Variants in HEATR5B observed in about 807,000 individuals in gnomAD.
HEATR5B encodes HEAT repeat-containing protein 5B.
Under a neutral mutation model 224.1 loss-of-function variants are expected in HEATR5B, and 156 were observed. The observed-to-expected ratio is 0.70, with a 90% CI of 0.61 to 0.80. HEATR5B has a LOEUF of 0.80. Ranked by LOEUF, HEATR5B falls within the 30% of genes least tolerant of loss-of-function variation. The probability of loss-of-function intolerance (pLI) is 0.00; values close to 1 mark genes in which losing one functional copy is unlikely to be tolerated. For synonymous variants in HEATR5B, 1,027 were observed against 893.0 expected, an observed-to-expected ratio of 1.15 and a Z score of -2.68; for missense variants, 2,323 against 2,535.5, an observed-to-expected ratio of 0.92 and a Z score of 1.80.
chr2:37,048,973 T>G lies in HEATR5B; in HGVS notation c.2696+680A>C, dbSNP rs775077998. Among the ~76,000 whole-genome samples, 4 of 152,218 alleles carry G rather than the reference T, an allele frequency of 2.6e-5. No individual in the cohort carries two copies. The East Asian group carries it at 7.7e-4, about 29-fold the overall frequency. Reference sequence around the variant, plus strand: ...TATATTTAATACTCTATATATATGATAGCTAAGAATGATATAATTTACATA... The same window carrying G: ...TATATTTAATACTCTATATATATGAGAGCTAAGAATGATATAATTTACATA... On this transcript the variant is annotated intron_variant, in intron 18 of 35. Coordinates refer to ENST00000233099, the MANE Select transcript of HEATR5B (RefSeq NM_019024.3).
chr2:37,006,967 C>T (rs1329475269), intron 29 of HEATR5B, 83 bp downstream of exon 29: 12 of 1,404,036 alleles, frequency 8.5e-6, no homozygotes, highest in Non-Finnish European at 8.9e-6. Flanking sequence ...CTATACTGTA[C>T]AAAATCTTTC....
At chr2:36,988,113 T>C (rs1360252668) in intron 35 of HEATR5B, among the ~76,000 whole-genome samples, 4 of 151,744 alleles carry the variant, frequency 2.6e-5, no homozygotes. Context: ...ATATTTTTCC[T>C]AGATCTTAAG....
chr2:37,046,229 G>C lies in HEATR5B; in HGVS notation c.2696+3424C>G, dbSNP rs77277764. ...AGAAAACAGAACAAAATACTACTAG[G>C]AACAATGCACCTAAATTAACAAAGC... On this transcript the variant is annotated intron_variant, in intron 18 of 35. Coordinates refer to ENST00000233099, the MANE Select transcript of HEATR5B (RefSeq NM_019024.3). Among the ~76,000 whole-genome samples, 372 of 152,190 alleles carry C rather than the reference G, an allele frequency of 2.4e-3. 5 individuals are homozygous for C. The highest frequency in any genetic ancestry group is 8.6e-3 in the African/African-American group (359 of 41,512).
At chr2:37,022,366 A>G (rs1668517103) in intron 24 of HEATR5B, among the ~76,000 whole-genome samples, 1 of 152,190 alleles carries the variant, frequency 6.6e-6, no homozygotes, top group South Asian at 2.1e-4. Flanking sequence ...TTTAATAGAG[A>G]TGGGGTTTCA....
At chr2:37,080,635 A>G (rs12470942) in intron 2 of HEATR5B, among the ~76,000 whole-genome samples, 4,012 of 152,292 alleles carry the variant, frequency 0.026, 66 homozygotes, top group Middle Eastern at 0.034. Context: ...GAAATCAAGA[A>G]TTTGGTTTGG....
chr2:37,032,895 T>TC, intron 21 of HEATR5B, 122 bp from the exon 22 acceptor site: 1 of 902,040 alleles, frequency 1.1e-6, no homozygotes, highest in East Asian at 2.9e-5. Context: ...TTTTTTTTTT[T>TC]TTGAGACAGA....
intron 7 of HEATR5B, among the ~76,000 whole-genome samples, chr2:37,069,379 G>A (rs1671773534): frequency 6.6e-6 from 1 of 152,044 alleles, no homozygotes; most frequent in African/African-American, 2.4e-5. Context: ...GACTAAAATC[G>A]TGATTTTGAC....
chr2:37,052,820 T>C (rs1030703489), intron 17 of HEATR5B, among the ~76,000 whole-genome samples: 1 of 152,216 alleles, frequency 6.6e-6, no homozygotes, highest in African/African-American at 2.4e-5. Context: ...ATGATTCTCA[T>C]CCTAGGCAGG....
chr2:37,077,695 C>CA (rs574967771), intron 3 of HEATR5B, among the ~76,000 whole-genome samples: 20 of 152,340 alleles, frequency 1.3e-4, no homozygotes, highest in African/African-American at 4.6e-4. Context: ...CACTTAATGT[C>CA]AATCACTGAT....
intron 30 of HEATR5B, 94 bp from the exon 31 acceptor site, chr2:37,003,780 A>G: frequency 2.5e-6 from 2 of 816,046 alleles, no homozygotes; most frequent in Non-Finnish European, 3.5e-6. Flanking sequence ...ATGTAAAAAA[A>G]GAAATCAGGT....
intron 17 of HEATR5B, among the ~76,000 whole-genome samples, chr2:37,051,744 T>A (rs970992908): frequency 4.6e-5 from 7 of 152,056 alleles, no homozygotes; most frequent in Non-Finnish European, 8.8e-5. Context: ...TCTTCTTTTT[T>A]TTTTCTTTTT....
At chr2:37,044,626 G>A (rs889477543) in intron 18 of HEATR5B, among the ~76,000 whole-genome samples, 38 of 152,176 alleles carry the variant, frequency 2.5e-4, no homozygotes, top group Non-Finnish European at 1.0e-4. Context: ...TAAATACCTA[G>A]AAGTGGAACT....
intron 29 of HEATR5B, 105 bp from the exon 30 acceptor site, chr2:37,005,864 T>C: frequency 1.2e-6 from 1 of 855,780 alleles, no homozygotes. Flanking sequence ...TACCTTAACA[T>C]GTATTTATTA....
intron 5 of HEATR5B, among the ~76,000 whole-genome samples, chr2:37,075,273 T>C (rs770190164): frequency 6.6e-5 from 10 of 152,102 alleles, no homozygotes; most frequent in Non-Finnish European, 1.3e-4. Flanking sequence ...CATAAATGAA[T>C]TTCAAAACAA....
In HEATR5B at chr2:37,055,001, T is replaced by C. The variant is rs1415007428; in HGVS notation, c.2400-1394A>G. On this transcript the variant is annotated intron_variant, in intron 16 of 35. Transcript: ENST00000233099. ...AGGTCAAAGCATTATTCAAAACTCA[T>C]ATGAAGATACAGATTCAGATGTACG... is the stretch of plus-strand genomic sequence containing the variant. 2.9e-5 allele frequency: 8 copies of C among 276,248 alleles called. No homozygotes were observed. The East Asian group carries it at 6.6e-4, about 23-fold the overall frequency. The allele number at this position is 276,248 out of a possible 1,614,324, so 17.1% of individuals were successfully genotyped here.
At chr2:36,983,078 A>G (rs751384561) in intron 35 of HEATR5B, among the ~76,000 whole-genome samples, 1 of 152,146 alleles carries the variant, frequency 6.6e-6, no homozygotes, top group Non-Finnish European at 1.5e-5. Context: ...ATAAACATAC[A>G]TACTCTTTCT....
chr2:37,049,836 G>C lies in HEATR5B; in HGVS notation c.2513C>G (p.Ala838Gly). ...TAVLSALKGL[A>G]ENKSTLGPEE... ...AGGTCCTAAAGTACTTTTGTTTTCA[G>C]CTAAGCCCTACATTAAAAAAAAAAA... Residue 838 changes from alanine (A) to glycine (G), a missense_variant, in exon 18 of 36, where the codon GCT becomes GGT. Coordinates refer to ENST00000233099, the MANE Select transcript of HEATR5B (RefSeq NM_019024.3). 1 of 1,236,062 alleles carries C rather than the reference G, an allele frequency of 8.1e-7. No homozygotes were observed. The highest frequency in any genetic ancestry group is 1.5e-5 in the South Asian group (1 of 68,418). 76.6% of individuals were successfully genotyped at this position (1,236,062 alleles called of 1,614,324 possible).
intron 6 of HEATR5B, among the ~76,000 whole-genome samples, chr2:37,070,982 G>C (rs1671870708): frequency 6.6e-6 from 1 of 152,166 alleles, no homozygotes; most frequent in Non-Finnish European, 1.5e-5. Flanking sequence ...ACAGTTTTTA[G>C]AAAAATAGTT....
At chr2:37,032,558 G>C in intron 22 of HEATR5B, 71 bp downstream of exon 22, 3 of 1,266,476 alleles carry the variant, frequency 2.4e-6, no homozygotes, top group Non-Finnish European at 3.3e-6. Context: ...AATGTTATTT[G>C]ATAAATAGTA....
Sources: gnomAD v4.1 joint callset for allele counts (sites outside exome capture counted in the v4.1 genomes callset) on GRCh38, gnomAD v4.1.1 for gene constraint, MANE v1.5 for transcripts, NCBI Gene and HGNC (gene_info 2026-07-23, HGNC 2026-07-21) for gene names.